Variants in NDP observed in about 807,000 individuals in gnomAD.
NDP encodes norrin.
A neutral mutation model predicts 8.4 loss-of-function variants in NDP; 2 were observed. The ratio of observed to expected loss-of-function variants is 0.24; its 90% confidence interval spans 0.10 to 0.75. NDP has a LOEUF of 0.75. NDP is among the 30% of genes least tolerant of loss of function. The pLI is 0.73. For missense variants in NDP, 81 were observed against 110.1 expected (o/e 0.74, Z 1.18); for synonymous variants, 55 against 45.6 (o/e 1.21, Z -0.83).
intron 1 of NDP, among the ~76,000 whole-genome samples, chrX:43,962,965 T>G (rs1348473867): frequency 2.7e-5 from 3 of 112,035 alleles, no homozygotes; most frequent in Non-Finnish European, 3.8e-5. Flanking sequence ...TGCCCACAGA[T>G]CAGCTCACTC....
intron 1 of NDP, among the ~76,000 whole-genome samples, chrX:43,971,569 A>AT (rs1421588002): frequency 2.7e-5 from 3 of 111,847 alleles, no homozygotes; most frequent in Non-Finnish European, 3.8e-5. Context: ...AACCAAATGT[A>AT]TTTTAAAATA....
At chrX:43,963,115 C>G (rs1177744334) in intron 1 of NDP, among the ~76,000 whole-genome samples, 1 of 112,339 alleles carries the variant, frequency 8.9e-6, no homozygotes, top group Non-Finnish European at 1.9e-5. Flanking sequence ...GCTTCAGTAT[C>G]CATATTTCCC....
intron 1 of NDP, among the ~76,000 whole-genome samples, chrX:43,961,702 A>C (rs191199648): frequency 1.3e-3 from 143 of 111,812 alleles, no homozygotes; most frequent in African/African-American, 4.4e-3. Flanking sequence ...TCTCTTTTAA[A>C]AGCTCAGCTT....
At chrX:43,970,034 T>G (rs2035883079) in intron 1 of NDP, among the ~76,000 whole-genome samples, 1 of 112,265 alleles carries the variant, frequency 8.9e-6, no homozygotes. Context: ...AGCCAGCTGT[T>G]CAAAGGCTTA....
At position 43,958,584 on chromosome X, in the gene NDP, T is replaced by A; in HGVS notation, c.62A>T (p.Asp21Val). Residue 21 changes from aspartate (D) to valine (V), a missense_variant, in exon 2 of 3, where the codon GAT becomes GTT. Physicochemically the swap from Asp to Val is radical, Grantham distance 152 (BLOSUM62 -3). Coordinates refer to ENST00000642620, the MANE Select transcript of NDP (RefSeq NM_000266.4). ...SMLSLLVIMG[D>V]TDSKTDSSFI... ...TGAGCTGTCCGTTTTACTGTCTGTA[T>A]CTCCCATTATCACCAGCAGGGAGAG... 8.3e-7 allele frequency: 1 copy of A among 1,211,079 alleles called. No homozygotes were observed. The highest frequency in any genetic ancestry group is 3.0e-5 in the East Asian group (1 of 33,851).
At chrX:43,963,555 C>A (rs1404600075) in intron 1 of NDP, among the ~76,000 whole-genome samples, 2 of 111,831 alleles carry the variant, frequency 1.8e-5, no homozygotes, top group Admixed American at 1.9e-4. Context: ...GAACATAAAG[C>A]CTCTATCAAA....
intron 1 of NDP, among the ~76,000 whole-genome samples, chrX:43,969,915 G>A (rs1412558487): frequency 8.9e-6 from 1 of 111,886 alleles, no homozygotes; most frequent in East Asian, 2.8e-4. Flanking sequence ...GGGAGGAGGT[G>A]GAGGAGGAAG....
intron 1 of NDP, among the ~76,000 whole-genome samples, chrX:43,965,182 T>C (rs1483490264): frequency 2.7e-5 from 3 of 111,554 alleles, no homozygotes; most frequent in Non-Finnish European, 3.8e-5. Flanking sequence ...TAGAAGGCAG[T>C]GTTGGGAGGA....
chrX:43,952,317 C>T (rs1239559127), intron 2 of NDP, among the ~76,000 whole-genome samples: 1 of 111,629 alleles, frequency 9.0e-6, no homozygotes, highest in East Asian at 2.8e-4. Context: ...GATACCTCAC[C>T]TTGGAGTAGT....
At position 43,950,093 on chromosome X, in the gene NDP, C is replaced by G. The variant is rs889505228; in HGVS notation, c.175-67G>C. On this transcript the variant is annotated intron_variant, in intron 2 of 2. Coordinates refer to ENST00000642620, the MANE Select transcript of NDP (RefSeq NM_000266.4). ...CAACCTTAGCCAGGTAAAACAGCATCTTTTGAAAGACCCTCACACTCGTTG... is the reference window on the plus strand; with the variant it reads ...CAACCTTAGCCAGGTAAAACAGCATGTTTTGAAAGACCCTCACACTCGTTG... 8 of 964,515 alleles carry G rather than the reference C, an allele frequency of 8.3e-6. No homozygotes were observed. The African/African-American group carries it at 1.5e-4, about 19-fold the overall frequency. 79.5% of individuals were successfully genotyped at this position (964,515 alleles called of 1,213,427 possible).
intron 2 of NDP, among the ~76,000 whole-genome samples, chrX:43,951,783 T>C (rs1488813004): frequency 9.1e-6 from 1 of 110,246 alleles, no homozygotes. Flanking sequence ...CAATATGAAA[T>C]ACTAGAAAAA....
At chrX:43,950,908 G>A (rs368971115) in intron 2 of NDP, among the ~76,000 whole-genome samples, 241 of 111,355 alleles carry the variant, frequency 2.2e-3, no homozygotes, top group African/African-American at 7.5e-3. Flanking sequence ...ACAGCTTAAC[G>A]GAATGGAAAA....
chrX:43,973,022 T>C (rs1004776972), intron 1 of NDP, among the ~76,000 whole-genome samples: 9 of 112,431 alleles, frequency 8.0e-5, no homozygotes, highest in African/African-American at 2.9e-4. Context: ...ATCACAAAGT[T>C]ACATCTAACT....
At chrX:43,963,697 A>G (rs1001964173) in intron 1 of NDP, among the ~76,000 whole-genome samples, 13 of 112,383 alleles carry the variant, frequency 1.2e-4, no homozygotes, top group African/African-American at 4.2e-4. Flanking sequence ...TGAAGTGTTA[A>G]GTAGCCCCTT....
chrX:43,951,701 T>G (rs2035763491), intron 2 of NDP, among the ~76,000 whole-genome samples: 1 of 111,116 alleles, frequency 9.0e-6, no homozygotes, highest in Admixed American at 9.5e-5. Flanking sequence ...TTCTGGTAAT[T>G]ATAGATTATT....
chrX:43,955,883 A>T (rs1436824753), intron 2 of NDP, among the ~76,000 whole-genome samples: 1 of 110,122 alleles, frequency 9.1e-6, no homozygotes. Context: ...ACTATTATTT[A>T]TTTTTTCTAG....
Position 43,949,416 on chromosome X carries a change from T to C in NDP, c.*383A>G. The C allele has an allele frequency of 5.2e-6, 1 of 192,689 alleles. No individual in the cohort carries two copies. The highest frequency in any genetic ancestry group is 9.6e-6 in the Non-Finnish European group (1 of 103,723). The allele number at this position is 192,689 out of a possible 1,213,427, so 15.9% of individuals were successfully genotyped here. ...GATGTCCCAGGAAAAGCTGGGCTTT[T>C]CTACTTTCCAAAGTAAATTCTTCCC... is the stretch of plus-strand genomic sequence containing the variant. On this transcript the variant is annotated 3_prime_UTR_variant, in exon 3 of 3. Coordinates refer to ENST00000642620, the MANE Select transcript of NDP (RefSeq NM_000266.4).
intron 1 of NDP, among the ~76,000 whole-genome samples, chrX:43,970,644 G>C (rs2035886555): frequency 1.8e-5 from 2 of 111,526 alleles, no homozygotes; most frequent in South Asian, 7.6e-4. Flanking sequence ...CTTCCCAGGG[G>C]CCTCTTGAAT....
At chrX:43,964,324 T>A (rs1312191367) in intron 1 of NDP, among the ~76,000 whole-genome samples, 1 of 110,757 alleles carries the variant, frequency 9.0e-6, no homozygotes, top group East Asian at 2.8e-4. Context: ...TGAATTACAA[T>A]CCTGGGGTAA....
Sources: allele counts gnomAD v4.1 joint callset (sites outside exome capture counted in the v4.1 genomes callset), GRCh38; gene constraint gnomAD v4.1.1; transcripts MANE v1.5; gene names NCBI Gene and HGNC (gene_info 2026-07-23, HGNC 2026-07-21).